The following ANXA4 variants were observed in gnomAD, a reference collection of about 807,000 sequenced individuals.
ANXA4 encodes annexin A4, also known as 35-beta calcimedin.
ANXA4 carries 39 observed loss-of-function variants against 49.8 expected under a neutral mutation model. The observed-to-expected ratio is 0.78, with a 90% CI of 0.61 to 1.02. The LOEUF (loss-of-function observed/expected upper bound fraction) is 1.02. Ranked by LOEUF, ANXA4 falls within the 50% of genes least tolerant of loss-of-function variation. The pLI, the probability that ANXA4 is intolerant of heterozygous loss-of-function variation, is 0.00. For synonymous variants in ANXA4, 134 were observed against 152.5 expected (o/e 0.88, Z 0.89); for missense variants, 360 against 410.1 (o/e 0.88, Z 1.05).
intron 2 of ANXA4, among the ~76,000 whole-genome samples, chr2:69,690,776 A>G (rs79073220): frequency 0.017 from 2,613 of 152,320 alleles, 64 homozygotes; most frequent in East Asian, 0.1. Flanking sequence ...ATCACATGCC[A>G]TCTCTCCTGA....
intron 3 of ANXA4, among the ~76,000 whole-genome samples, chr2:69,722,740 G>C (rs1669846540): frequency 6.6e-6 from 1 of 151,694 alleles, no homozygotes; most frequent in Admixed American, 6.6e-5. Context: ...CTGAATTTAT[G>C]CACGTCAAAA....
intron 2 of ANXA4, among the ~76,000 whole-genome samples, chr2:69,720,542 G>A (rs543508668): frequency 1.3e-5 from 2 of 152,322 alleles, no homozygotes; most frequent in African/African-American, 4.8e-5. Flanking sequence ...GCAAAGTTAT[G>A]TATCCTGATG....
intron 1 of ANXA4, among the ~76,000 whole-genome samples, chr2:69,645,280 G>A (rs1675964108): frequency 6.6e-6 from 1 of 152,136 alleles, no homozygotes; most frequent in South Asian, 2.1e-4. Flanking sequence ...CTTTTCTTCC[G>A]GAGAGAGTCA....
intron 1 of ANXA4, among the ~76,000 whole-genome samples, chr2:69,759,350 CAG>C (rs1157938240): frequency 6.6e-6 from 1 of 151,910 alleles, no homozygotes; most frequent in Non-Finnish European, 1.5e-5. Context: ...CTGGAATAAA[CAG>C]AAAGTAGATG....
chr2:69,819,226 T>C, intron 10 of ANXA4, 54 bp from the exon 11 acceptor site: 1 of 1,334,624 alleles, frequency 7.5e-7, no homozygotes, highest in Admixed American at 2.3e-5. Flanking sequence ...ACTTTTCTTT[T>C]TTCATGGGTC....
chr2:69,810,524 G>T (rs1331099797), intron 6 of ANXA4, 70 bp from the exon 7 acceptor site: 4 of 1,309,226 alleles, frequency 3.1e-6, no homozygotes, highest in Non-Finnish European at 4.4e-6. Flanking sequence ...GGGACAGATT[G>T]CTCTGGAGTG....
At chr2:69,682,397 A>G (rs1677631815) in intron 2 of ANXA4, among the ~76,000 whole-genome samples, 1 of 152,082 alleles carries the variant, frequency 6.6e-6, no homozygotes, top group African/African-American at 2.4e-5. Context: ...TTTATGATTC[A>G]TCCTTGCTTT....
chr2:69,651,800 C>CTTTTT (rs78927191), intron 1 of ANXA4, among the ~76,000 whole-genome samples: 6 of 56,668 alleles, frequency 1.1e-4, no homozygotes, highest in Admixed American at 2.7e-4. Flanking sequence ...CCGCGCCCGG[C>CTTTTT]TTTTTTTTTT....
Position 69,799,859 on chromosome 2 carries a change from A to G in ANXA4, c.98-4674A>G, listed in dbSNP as rs564254850. On this transcript the variant is annotated intron_variant, in intron 3 of 12. Transcript: ENST00000394295. ...CCATCTTTCTATCCAAAAAGAATTC[A>G]TTTTACTCAGCCTCAATGTTGCTAA... Among the ~76,000 whole-genome samples, 30 of 152,318 alleles carry G rather than the reference A, an allele frequency of 2.0e-4. No homozygotes were observed. The South Asian group carries it at 2.3e-3, about 12-fold the overall frequency.
upstream of ANXA4, among the ~76,000 whole-genome samples, chr2:69,741,560 G>A (rs1162200145): frequency 2.0e-5 from 3 of 152,268 alleles, no homozygotes; most frequent in Non-Finnish European, 4.4e-5. Context: ...GGGAATGTGT[G>A]TTTTCATGTG....
At chr2:69,776,361 C>T (rs770254258) in intron 1 of ANXA4, among the ~76,000 whole-genome samples, 4 of 152,178 alleles carry the variant, frequency 2.6e-5, no homozygotes, top group Non-Finnish European at 5.9e-5. Context: ...TCATCCCCAA[C>T]CCTTTTGTTC....
chr2:69,799,422 C>T (rs1021494823), intron 3 of ANXA4, among the ~76,000 whole-genome samples: 2 of 152,112 alleles, frequency 1.3e-5, no homozygotes, highest in African/African-American at 2.4e-5. Flanking sequence ...CTTGAGCTGT[C>T]TTATCTGTAT....
At chr2:69,701,389 C>T (rs1324010192) in intron 2 of ANXA4, among the ~76,000 whole-genome samples, 16 of 152,100 alleles carry the variant, frequency 1.1e-4, no homozygotes, top group Admixed American at 1.0e-3. Context: ...GTCCCTCCCG[C>T]TAGCAAACAC....
At position 69,788,154 on chromosome 2, in the gene ANXA4, C is replaced by G. The variant is rs1327355542; in HGVS notation, c.97+13C>G. ...ATGAAAGGGCTCGGTATGTGTCCTG[C>G]TGGAAGTGAATCCTCCTGCGTGCAT... is the stretch of plus-strand genomic sequence containing the variant. On this transcript the variant is annotated intron_variant, in intron 3 of 12. Coordinates refer to ENST00000394295, the MANE Select transcript of ANXA4 (RefSeq NM_001153.5). 1 of 1,609,818 alleles carries G rather than the reference C, an allele frequency of 6.2e-7. No homozygotes were observed. Among genetic ancestry groups the G allele is most frequent in the Admixed American group, 1.7e-5 (1 of 59,980 alleles).
At chr2:69,703,847 T>G (rs1467248607) in intron 2 of ANXA4, among the ~76,000 whole-genome samples, 2 of 152,142 alleles carry the variant, frequency 1.3e-5, no homozygotes, top group African/African-American at 4.8e-5. Flanking sequence ...AGTGATGGAG[T>G]CTTACTACGT....
upstream of ANXA4, among the ~76,000 whole-genome samples, chr2:69,740,789 A>G (rs1333442142): frequency 8.2e-6 from 1 of 122,198 alleles, no homozygotes; most frequent in Non-Finnish European, 1.6e-5. Flanking sequence ...TTGGGTGTTT[A>G]TCCCACCTCA....
chr2:69,650,525 G>A (rs1676193136), intron 1 of ANXA4, among the ~76,000 whole-genome samples: 1 of 151,874 alleles, frequency 6.6e-6, no homozygotes, highest in Non-Finnish European at 1.5e-5. Flanking sequence ...ACCCAGGCTG[G>A]AGTGCAGTGG....
intron 3 of ANXA4, among the ~76,000 whole-genome samples, chr2:69,803,043 A>G (rs1235780414): frequency 6.6e-6 from 1 of 150,866 alleles, no homozygotes; most frequent in Non-Finnish European, 1.5e-5. Flanking sequence ...TAAAAAATAC[A>G]AAAAAAAATT....
intron 2 of ANXA4, among the ~76,000 whole-genome samples, chr2:69,660,963 CAT>C (rs965131354): frequency 8.6e-5 from 13 of 152,012 alleles, no homozygotes; most frequent in African/African-American, 3.1e-4. Context: ...GTCCTAAAAG[CAT>C]AGAGAAAAGC....
Sources: allele counts gnomAD v4.1 joint callset (sites outside exome capture counted in the v4.1 genomes callset), GRCh38; gene constraint gnomAD v4.1.1; transcripts MANE v1.5; gene names NCBI Gene and HGNC (gene_info 2026-07-23, HGNC 2026-07-21).